Variants in CLSTN2 observed in about 807,000 individuals in gnomAD.
CLSTN2 encodes calsyntenin 2, also known as calsyntenin-2.
In CLSTN2, 48 loss-of-function variants were observed where a neutral mutation model predicts 101.2. That is an observed-to-expected ratio of 0.47 (90% CI 0.38 to 0.60). The LOEUF is 0.60. Ranked by LOEUF, CLSTN2 falls within the 20% of genes least tolerant of loss-of-function variation. CLSTN2 has a pLI of 0.00. For synonymous variants in CLSTN2, 481 were observed against 463.6 expected (o/e 1.04, Z -0.48); for missense variants, 1,160 against 1,238.2 (o/e 0.94, Z 0.95).
chr3:140,333,665 C>T (rs1171097454), intron 2 of CLSTN2, among the ~76,000 whole-genome samples: 2 of 149,790 alleles, frequency 1.3e-5, no homozygotes, highest in Admixed American at 6.7e-5. Flanking sequence ...TAGAAACTAA[C>T]AGTATTAGAG....
intron 2 of CLSTN2, among the ~76,000 whole-genome samples, chr3:140,360,509 G>T (rs1028731174): frequency 1.3e-5 from 2 of 152,178 alleles, no homozygotes; most frequent in Non-Finnish European, 1.5e-5. Context: ...TCAGATGACT[G>T]AAAAAGTCAT....
chr3:140,497,504 G>A (rs895969279), intron 8 of CLSTN2, among the ~76,000 whole-genome samples: 3 of 152,140 alleles, frequency 2.0e-5, no homozygotes, highest in Non-Finnish European at 2.9e-5. Flanking sequence ...CAACCTCACC[G>A]CAGAAATGGC....
intron 12 of CLSTN2, among the ~76,000 whole-genome samples, chr3:140,560,123 G>A (rs1239726302): frequency 2.0e-5 from 3 of 152,226 alleles, no homozygotes; most frequent in African/African-American, 7.2e-5. Context: ...TTCTGTTTAT[G>A]AGAGGTACAG....
At chr3:140,043,423 A>G (rs1448082621) in intron 1 of CLSTN2, among the ~76,000 whole-genome samples, 2 of 152,206 alleles carry the variant, frequency 1.3e-5, no homozygotes, top group Non-Finnish European at 2.9e-5. Context: ...TCTGGATATT[A>G]GCCCTTTGCC....
rs1045216274 is a variant in CLSTN2, at chr3:140,569,545, C to T, written c.*3292C>T. On this transcript the variant is annotated 3_prime_UTR_variant, in exon 17 of 17. Coordinates refer to ENST00000458420, the MANE Select transcript of CLSTN2 (RefSeq NM_022131.3). ...GTAAAGCAACCGGCTAGTTGGTAGC[C>T]TGCCTTAAAAAATACTAAACATATA... is the stretch of plus-strand genomic sequence containing the variant. 5 of 152,212 alleles carry T rather than the reference C, an allele frequency of 3.3e-5. No individual in the cohort carries two copies. The highest frequency in any genetic ancestry group is 6.5e-5 in the Admixed American group (1 of 15,286). 9.4% of individuals were successfully genotyped at this position (152,212 alleles called of 1,614,324 possible). A position where few individuals can be genotyped will look rare whatever the true frequency, so the allele number is the denominator to read the frequency against.
rs76000404 is a variant in CLSTN2 at position 139,940,607 on chromosome 3, C to T, written c.109+5124C>T. ...TCTTTTCTCAGCTCAAACTGTTATC[C>T]GTTCCTCTGTTTCTCAGTCTCTCTC... On this transcript the variant is annotated intron_variant, in intron 1 of 16. Coordinates refer to ENST00000458420, the MANE Select transcript of CLSTN2 (RefSeq NM_022131.3). Among the ~76,000 whole-genome samples, 1,160 of 152,142 alleles carry T rather than the reference C, an allele frequency of 7.6e-3. 5 individuals carry two copies. Among genetic ancestry groups the T allele is most frequent in the Non-Finnish European group, 0.012 (815 of 68,020 alleles).
chr3:140,304,663 T>C (rs2087094677), intron 2 of CLSTN2, among the ~76,000 whole-genome samples: 1 of 152,156 alleles, frequency 6.6e-6, no homozygotes, highest in African/African-American at 2.4e-5. Flanking sequence ...CATAATACCC[T>C]GTTTGGATTT....
intron 2 of CLSTN2, among the ~76,000 whole-genome samples, chr3:140,259,760 C>T (rs977390913): frequency 1.1e-4 from 16 of 152,086 alleles, no homozygotes; most frequent in Non-Finnish European, 2.1e-4. Flanking sequence ...GCATCTTTCA[C>T]TCAGCATCAT....
At chr3:140,061,639 G>T (rs1231543868) in intron 1 of CLSTN2, among the ~76,000 whole-genome samples, 1 of 152,202 alleles carries the variant, frequency 6.6e-6, no homozygotes, top group African/African-American at 2.4e-5. Context: ...CATAACTCCT[G>T]CCGGGCTCTA....
intron 1 of CLSTN2, among the ~76,000 whole-genome samples, chr3:139,999,202 A>T (rs2006763071): frequency 1.3e-5 from 2 of 152,144 alleles, no homozygotes; most frequent in African/African-American, 2.4e-5. Context: ...TTTTAGATAC[A>T]GGGGGTACAT....
intron 2 of CLSTN2, among the ~76,000 whole-genome samples, chr3:140,257,359 C>A (rs2086612483): frequency 1.3e-5 from 2 of 152,004 alleles, no homozygotes; most frequent in African/African-American, 4.8e-5. Context: ...ACAGCCTGCC[C>A]ATGTAATGAA....
At chr3:140,562,459 A>C in intron 13 of CLSTN2, 151 bp downstream of exon 13, 1 of 799,856 alleles carries the variant, frequency 1.3e-6, no homozygotes, top group Non-Finnish European at 1.9e-6. Context: ...GGATTTCTAG[A>C]CCCTCCTTTG....
intron 1 of CLSTN2, among the ~76,000 whole-genome samples, chr3:140,065,474 G>C (rs987722574): frequency 1.3e-5 from 2 of 152,098 alleles, no homozygotes; most frequent in Non-Finnish European, 2.9e-5. Context: ...TCCTTATCTT[G>C]GTCAGGAAGT....
intron 4 of CLSTN2, among the ~76,000 whole-genome samples, chr3:140,418,425 T>C (rs55780158): frequency 6.6e-6 from 1 of 151,806 alleles, no homozygotes; most frequent in African/African-American, 2.4e-5. Flanking sequence ...ATTCTATCTC[T>C]AATTGGTGGA....
Position 140,140,338 on chromosome 3 carries a change from C to T in CLSTN2, c.110-35613C>T, listed in dbSNP as rs138888501. Reference sequence around the variant, plus strand: ...CATGGCACCTGACTTTTGCTTCTGACGAGGCCTCAGGAAGCTTACTAACAT... The same window carrying T: ...CATGGCACCTGACTTTTGCTTCTGATGAGGCCTCAGGAAGCTTACTAACAT... On this transcript the variant is annotated intron_variant, in intron 1 of 16. Transcript: ENST00000458420. Among the ~76,000 whole-genome samples, 256 of 152,130 alleles carry T rather than the reference C, an allele frequency of 1.7e-3. 2 individuals carry two copies. The highest frequency in any genetic ancestry group is 5.8e-3 in the African/African-American group (242 of 41,500).
intron 1 of CLSTN2, among the ~76,000 whole-genome samples, chr3:140,079,296 C>T (rs940986634): frequency 6.6e-6 from 1 of 152,086 alleles, no homozygotes; most frequent in East Asian, 1.9e-4. Flanking sequence ...GTGTATGTGA[C>T]CTTTTCAATC....
chr3:140,410,960 T>C (rs1295050627), intron 4 of CLSTN2, among the ~76,000 whole-genome samples: 1 of 151,712 alleles, frequency 6.6e-6, no homozygotes, highest in African/African-American at 2.4e-5. Context: ...GAGAAAGGAA[T>C]CAAAGCATAC....
intron 1 of CLSTN2, among the ~76,000 whole-genome samples, chr3:139,946,210 G>A (rs2107808444): frequency 6.6e-6 from 1 of 152,330 alleles, no homozygotes; most frequent in African/African-American, 2.4e-5. Context: ...TATGGCTTGA[G>A]AACATGGGTA....
intron 1 of CLSTN2, among the ~76,000 whole-genome samples, chr3:139,987,155 A>G (rs935898422): frequency 6.6e-6 from 1 of 152,222 alleles, no homozygotes; most frequent in Non-Finnish European, 1.5e-5. Context: ...CTGAAAGTAT[A>G]GCTGCTTTTT....
Sources: allele counts gnomAD v4.1 joint callset (sites outside exome capture counted in the v4.1 genomes callset), GRCh38; gene constraint gnomAD v4.1.1; transcripts MANE v1.5; gene names NCBI Gene and HGNC (gene_info 2026-07-23, HGNC 2026-07-21).